RBFOX1: variants seen among roughly 807,000 people sequenced by gnomAD.
RBFOX1 encodes RNA binding protein fox-1 homolog 1.
In RBFOX1, 8 loss-of-function variants were observed where a neutral mutation model predicts 57.7. The observed-to-expected ratio is 0.14, with a 90% CI of 0.08 to 0.25. RBFOX1 has a LOEUF of 0.25. Ranked by LOEUF, RBFOX1 falls within the 10% of genes least tolerant of loss-of-function variation. RBFOX1 has a pLI of 1.00. For missense variants in RBFOX1, 611 were observed against 548.5 expected, an observed-to-expected ratio of 1.11 and a Z score of -1.14; for synonymous variants, 326 against 222.4, an observed-to-expected ratio of 1.47 and a Z score of -4.15.
In RBFOX1 at chr16:5,962,143, A is replaced by C. The variant is rs531976432; in HGVS notation, c.351+94808A>C. On this transcript the variant is annotated intron_variant, in intron 4 of 19. Coordinates refer to the RBFOX1 transcript ENST00000641259. Reference sequence around the variant, plus strand: ...AAGAAGGCTGTATCTCCTGTCTTTAAGATTTTCCAGAGATCTCACATCATA... The same window carrying C: ...AAGAAGGCTGTATCTCCTGTCTTTACGATTTTCCAGAGATCTCACATCATA... Among the ~76,000 whole-genome samples, 84 of 152,192 alleles carry C rather than the reference A, an allele frequency of 5.5e-4. 1 individual carries two copies. The highest frequency in any genetic ancestry group is 1.6e-4 in the Non-Finnish European group (11 of 68,024).
chr16:5,970,111 C>T (rs965805812), intron 4 of RBFOX1, among the ~76,000 whole-genome samples: 2 of 152,070 alleles, frequency 1.3e-5, no homozygotes, highest in South Asian at 2.1e-4. Flanking sequence ...TTGAGTCTGC[C>T]GCATGACCTG....
intron 1 of RBFOX1, among the ~76,000 whole-genome samples, chr16:6,103,728 C>T (rs1256372956): frequency 6.6e-6 from 1 of 152,126 alleles, no homozygotes; most frequent in African/African-American, 2.4e-5. Flanking sequence ...GGACATTCCT[C>T]ACTTCCACCT....
At chr16:6,566,041 A>C (rs188810170) in intron 2 of RBFOX1, among the ~76,000 whole-genome samples, 2 of 152,302 alleles carry the variant, frequency 1.3e-5, no homozygotes, top group Non-Finnish European at 2.9e-5. Context: ...TGCGATTACC[A>C]GGACAGAGAA....
At chr16:5,712,833 C>T (rs771720759) in intron 3 of RBFOX1, among the ~76,000 whole-genome samples, 20 of 152,304 alleles carry the variant, frequency 1.3e-4, no homozygotes, top group Admixed American at 3.3e-4. Context: ...GCCACATACA[C>T]TTGACTCCAC....
At chr16:6,539,023 G>A (rs1270101810) in intron 2 of RBFOX1, among the ~76,000 whole-genome samples, 3 of 151,992 alleles carry the variant, frequency 2.0e-5, no homozygotes, top group Non-Finnish European at 4.4e-5. Flanking sequence ...TGTCTCATGT[G>A]GAGTGTCCTA....
In RBFOX1 at chr16:5,847,465, A is replaced by T. The variant is rs528641513; in HGVS notation, c.319-19838A>T. Among the ~76,000 whole-genome samples, 9 of 152,302 alleles carry T rather than the reference A, an allele frequency of 5.9e-5. No individual in the cohort carries two copies. In the South Asian group the frequency reaches 1.9e-3, roughly 32 times the overall value. ...AGAGAGATCTTTTTCCAGATAGATTATAGGAACTTCAGTGCCATTTGCAAA... is the reference window on the plus strand; with the variant it reads ...AGAGAGATCTTTTTCCAGATAGATTTTAGGAACTTCAGTGCCATTTGCAAA... On this transcript the variant is annotated intron_variant, in intron 3 of 19. Transcript: ENST00000641259.
At chr16:5,589,022 C>G (rs1229524809) in intron 2 of RBFOX1, among the ~76,000 whole-genome samples, 1 of 152,136 alleles carries the variant, frequency 6.6e-6, no homozygotes, top group African/African-American at 2.4e-5. Flanking sequence ...CTGGATGTAG[C>G]TGAAAAACTG....
chr16:7,708,789 T>TG (rs2083320892), intron 14 of RBFOX1, among the ~76,000 whole-genome samples: 1 of 150,734 alleles, frequency 6.6e-6, no homozygotes, highest in Admixed American at 6.6e-5. Context: ...AACAGTATTA[T>TG]GGGGGGAGGC....
At chr16:7,069,165 A>G (rs371977765) in intron 4 of RBFOX1, among the ~76,000 whole-genome samples, 1 of 139,826 alleles carries the variant, frequency 7.2e-6, no homozygotes, top group South Asian at 2.4e-4. Context: ...GAACCTATAT[A>G]TTTTTTAATC....
chr16:6,898,056 A>G (rs1212277205), intron 3 of RBFOX1, among the ~76,000 whole-genome samples: 1 of 152,164 alleles, frequency 6.6e-6, no homozygotes, highest in East Asian at 1.9e-4. Context: ...TGTTTATATA[A>G]TGCCTGATAC....
chr16:7,402,072 C>G (rs780877976), intron 4 of RBFOX1, among the ~76,000 whole-genome samples: 1 of 151,844 alleles, frequency 6.6e-6, no homozygotes, highest in Non-Finnish European at 1.5e-5. Flanking sequence ...TGTCATGTTC[C>G]TCAGAGTCAG....
chr16:5,974,948 C>T (rs1596326807), intron 4 of RBFOX1, among the ~76,000 whole-genome samples: 1 of 152,144 alleles, frequency 6.6e-6, no homozygotes, highest in South Asian at 2.1e-4. Context: ...ACGGAGGTTG[C>T]GGTGAGCAGA....
At chr16:6,266,079 G>A (rs951596913) in intron 1 of RBFOX1, among the ~76,000 whole-genome samples, 5 of 152,126 alleles carry the variant, frequency 3.3e-5, no homozygotes, top group Non-Finnish European at 2.9e-5. Context: ...TGAAACGTGG[G>A]GGAAGTGAGA....
intron 3 of RBFOX1, among the ~76,000 whole-genome samples, chr16:5,682,274 C>T (rs953832815): frequency 1.3e-5 from 2 of 152,132 alleles, no homozygotes; most frequent in African/African-American, 4.8e-5. Context: ...TGTGGGAGCA[C>T]CATTAATCCC....
intron 1 of RBFOX1, among the ~76,000 whole-genome samples, chr16:6,211,622 G>A (rs1195413211): frequency 6.6e-6 from 1 of 152,050 alleles, no homozygotes; most frequent in Non-Finnish European, 1.5e-5. Context: ...AATATGTCAG[G>A]TCCCCGTTTG....
chr16:7,237,574 C>G (rs113426120), intron 4 of RBFOX1, among the ~76,000 whole-genome samples: 1 of 152,204 alleles, frequency 6.6e-6, no homozygotes, highest in South Asian at 2.1e-4. Flanking sequence ...CAACTGGCTT[C>G]CTATGTCAAC....
intron 3 of RBFOX1, among the ~76,000 whole-genome samples, chr16:6,872,984 G>A (rs1017083258): frequency 6.6e-6 from 1 of 152,092 alleles, no homozygotes; most frequent in African/African-American, 2.4e-5. Flanking sequence ...TAATGCCATT[G>A]ATTTTGAGAG....
At position 6,876,616 on chromosome 16, in the gene RBFOX1, A is replaced by G. The variant is rs371831886; in HGVS notation, c.-15-175441A>G. ...TTATGATGCACCATACTAGAGTAAA[A>G]GACTTGTATCTATTTTTTTTTTCTA... On this transcript the variant is annotated intron_variant, in intron 3 of 15. Transcript: ENST00000550418. Among the ~76,000 whole-genome samples, 4 of 152,300 alleles carry G rather than the reference A, an allele frequency of 2.6e-5. No homozygotes were observed. The South Asian group carries it at 8.3e-4, about 32-fold the overall frequency.
At chr16:5,684,695 C>T (rs933078802) in intron 3 of RBFOX1, among the ~76,000 whole-genome samples, 2 of 152,126 alleles carry the variant, frequency 1.3e-5, no homozygotes, top group South Asian at 2.1e-4. Context: ...AGCAGGGAGC[C>T]GTTGAAGCTA....
Sources: gnomAD v4.1 joint callset for allele counts (sites outside exome capture counted in the v4.1 genomes callset) on GRCh38, gnomAD v4.1.1 for gene constraint, MANE v1.5 for transcripts, NCBI Gene and HGNC (gene_info 2026-07-23, HGNC 2026-07-21) for gene names.